Variants in GNAI1 observed in about 807,000 individuals in gnomAD.
The protein encoded by GNAI1 is G protein subunit alpha i1.
A neutral mutation model predicts 38.9 loss-of-function variants in GNAI1; 11 were observed. The ratio of observed to expected loss-of-function variants is 0.28; its 90% CI spans 0.18 to 0.47. The LOEUF (loss-of-function observed/expected upper bound fraction) is 0.47, where lower values mean the gene tolerates loss of function less well. Ranked by LOEUF, GNAI1 falls within the 20% of genes least tolerant of loss-of-function variation. The pLI is 0.99. For synonymous variants in GNAI1, 166 were observed against 145.1 expected (o/e 1.14, Z -1.04); for missense variants, 317 against 436.9 (o/e 0.73, Z 2.45).
intron 7 of GNAI1, among the ~76,000 whole-genome samples, chr7:80,215,532 C>A (rs1249151530): frequency 6.6e-6 from 1 of 152,104 alleles, no homozygotes; most frequent in East Asian, 1.9e-4. Flanking sequence ...TAATAAAAAT[C>A]TCATAATCTA....
Position 80,175,553 on chromosome 7 carries a change from CTT to C in GNAI1, c.119-13382_119-13381del, listed in dbSNP as rs564032256. ...CTTGATTGTACTTTGCAGATACTGCCTTTTTTTTTTTTTTTTTAACAAATTGA... is the reference window on the plus strand; with the variant it reads ...CTTGATTGTACTTTGCAGATACTGCCTTTTTTTTTTTTTTTAACAAATTGA... On this transcript the variant is annotated intron_variant, in intron 1 of 7. Coordinates refer to ENST00000649796, the MANE Select transcript of GNAI1 (RefSeq NM_002069.6). 2.7e-3 allele frequency among the ~76,000 whole-genome samples: 362 copies of C among 132,114 alleles called. 1 individual carries two copies. The highest frequency in any genetic ancestry group is 7.5e-3 in the African/African-American group (272 of 36,154). The allele number at this position is 132,114 out of a possible 152,430, so 86.7% of individuals were successfully genotyped here.
chr7:80,217,252 G>GTATGAAACTGAATT, intron 7 of GNAI1, 51 bp from the exon 8 acceptor site: 4 of 1,162,278 alleles, frequency 3.4e-6, no homozygotes, highest in Non-Finnish European at 3.7e-6. Context: ...AGTATTTTAA[G>GTATGAAACTGAATT]CAGTTATTTT....
At chr7:80,174,574 AT>A (rs1788150562) in intron 1 of GNAI1, among the ~76,000 whole-genome samples, 1 of 150,428 alleles carries the variant, frequency 6.6e-6, no homozygotes. Context: ...TTGCCTTTAT[AT>A]TTTATTTATG....
intron 1 of GNAI1, among the ~76,000 whole-genome samples, chr7:80,151,879 T>C (rs1787733333): frequency 6.6e-6 from 1 of 152,242 alleles, no homozygotes; most frequent in South Asian, 2.1e-4. Context: ...GGATAAATGC[T>C]AGGGGGTGTG....
intron 5 of GNAI1, among the ~76,000 whole-genome samples, chr7:80,207,520 G>C (rs763616810): frequency 4.6e-5 from 7 of 152,094 alleles, no homozygotes; most frequent in South Asian, 2.1e-4. Context: ...ACACACGTTT[G>C]TCAGGAACCT....
chr7:80,154,904 G>C (rs1023429660), intron 1 of GNAI1, among the ~76,000 whole-genome samples: 10 of 152,012 alleles, frequency 6.6e-5, no homozygotes, highest in African/African-American at 2.4e-4. Flanking sequence ...AACTTCCTAG[G>C]TTATAGATAA....
At chr7:80,181,120 A>G (rs546641643) in intron 1 of GNAI1, among the ~76,000 whole-genome samples, 2 of 152,180 alleles carry the variant, frequency 1.3e-5, no homozygotes, top group South Asian at 2.1e-4. Flanking sequence ...TATATATATT[A>G]CATGTATATA....
rs183168463 is a variant in GNAI1, at chr7:80,168,446, G to A, written c.119-20505G>A. Among the ~76,000 whole-genome samples, 326 of 152,134 alleles carry A rather than the reference G, an allele frequency of 2.1e-3. 1 individual carries two copies. The highest frequency in any genetic ancestry group is 7.4e-3 in the African/African-American group (306 of 41,500). ...TTTGTCACCTAGGCTGGAGTGCAGT[G>A]GCACGATCTCGGCTCACTGCAAGCT... On this transcript the variant is annotated intron_variant, in intron 1 of 7. Transcript: ENST00000649796.
At chr7:80,181,559 C>T (rs1347677667) in intron 1 of GNAI1, among the ~76,000 whole-genome samples, 1 of 151,960 alleles carries the variant, frequency 6.6e-6, no homozygotes, top group Admixed American at 6.6e-5. Flanking sequence ...TTTTGTCTGT[C>T]AGTTCAGTTA....
chr7:80,214,344 A>G (rs920777911), intron 7 of GNAI1, among the ~76,000 whole-genome samples: 1 of 152,112 alleles, frequency 6.6e-6, no homozygotes, highest in African/African-American at 2.4e-5. Context: ...CCTTATTTGA[A>G]TATATTTTTC....
intron 3 of GNAI1, among the ~76,000 whole-genome samples, chr7:80,198,609 G>A (rs1788623775): frequency 6.6e-6 from 1 of 151,984 alleles, no homozygotes; most frequent in South Asian, 2.1e-4. Context: ...TTCTATGCCT[G>A]GATTAGCAAA....
intron 1 of GNAI1, 153 bp downstream of exon 1, chr7:80,135,431 G>T: frequency 2.3e-6 from 1 of 439,428 alleles, no homozygotes; most frequent in South Asian, 6.8e-5. Context: ...GAGGCAAGGC[G>T]GGTCCCCCTC....
chr7:80,210,889 CT>C (rs1325344285), intron 5 of GNAI1, 79 bp from the exon 6 acceptor site: 9 of 1,237,492 alleles, frequency 7.3e-6, no homozygotes, highest in Non-Finnish European at 1.0e-5. Flanking sequence ...CTATTCAGAG[CT>C]TTTTTTGTTA....
chr7:80,182,773 C>T (rs1289649435), intron 1 of GNAI1, among the ~76,000 whole-genome samples: 3 of 152,126 alleles, frequency 2.0e-5, no homozygotes, highest in African/African-American at 7.2e-5. Context: ...TACATTACAG[C>T]CTATTCAACC....
intron 1 of GNAI1, among the ~76,000 whole-genome samples, chr7:80,164,648 T>C (rs1393737901): frequency 1.3e-5 from 2 of 152,188 alleles, no homozygotes; most frequent in Non-Finnish European, 2.9e-5. Context: ...ACTCACATTT[T>C]ACTTTTTAAT....
intron 4 of GNAI1, 92 bp from the exon 5 acceptor site, chr7:80,203,612 G>A (rs990244439): frequency 1.4e-5 from 10 of 721,974 alleles, no homozygotes; most frequent in Admixed American, 3.1e-5. Flanking sequence ...TCAGATTATC[G>A]CTTGTATTGA....
At chr7:80,151,873 A>G (rs1289970304) in intron 1 of GNAI1, among the ~76,000 whole-genome samples, 1 of 152,176 alleles carries the variant, frequency 6.6e-6, no homozygotes, top group Non-Finnish European at 1.5e-5. Flanking sequence ...CGGGAGGGAT[A>G]AATGCTAGGG....
At chr7:80,174,366 C>T (rs1788146449) in intron 1 of GNAI1, among the ~76,000 whole-genome samples, 1 of 149,936 alleles carries the variant, frequency 6.7e-6, no homozygotes, top group Non-Finnish European at 1.5e-5. Context: ...TTGTACTTGT[C>T]TTTTATGAAT....
intron 7 of GNAI1, among the ~76,000 whole-genome samples, chr7:80,213,313 G>T (rs907717524): frequency 4.6e-5 from 7 of 152,130 alleles, no homozygotes; most frequent in African/African-American, 1.7e-4. Flanking sequence ...GATCATTGAG[G>T]CAGCTAACTC....
Sources: allele counts gnomAD v4.1 joint callset (sites outside exome capture counted in the v4.1 genomes callset), GRCh38; gene constraint gnomAD v4.1.1; transcripts MANE v1.5; gene names NCBI Gene and HGNC (gene_info 2026-07-23, HGNC 2026-07-21).